The following DLG2 variants were observed in gnomAD, a reference collection of about 807,000 sequenced individuals.
DLG2 encodes disks large homolog 2.
Under a neutral mutation model 132.5 loss-of-function variants are expected in DLG2, and 45 were observed. The ratio of observed to expected loss-of-function variants is 0.34; its 90% CI spans 0.27 to 0.44. The LOEUF (loss-of-function observed/expected upper bound fraction) is 0.44. Among genes scored for constraint, DLG2 ranks in the 20% least tolerant of loss-of-function variants. The pLI, the probability that DLG2 is intolerant of heterozygous loss-of-function variation, is 1.00. For missense variants in DLG2, 1,045 were observed against 1,196.9 expected (o/e 0.87, Z 1.87); for synonymous variants, 424 against 419.6 (o/e 1.01, Z -0.13).
chr11:84,239,249 C>T (rs375575337), intron 8 of DLG2, among the ~76,000 whole-genome samples: 7 of 151,092 alleles, frequency 4.6e-5, no homozygotes, highest in East Asian at 3.9e-4. Context: ...GGTGTGATCT[C>T]GGCTCACTGC....
At chr11:85,617,857 G>A (rs1320876378) in intron 2 of DLG2, among the ~76,000 whole-genome samples, 1 of 152,158 alleles carries the variant, frequency 6.6e-6, no homozygotes, top group Non-Finnish European at 1.5e-5. Flanking sequence ...TAGGGCCTCA[G>A]TGGCTAGCAA....
intron 10 of DLG2, among the ~76,000 whole-genome samples, chr11:84,096,588 C>A (rs1054132607): frequency 1.3e-5 from 2 of 151,976 alleles, no homozygotes; most frequent in Non-Finnish European, 2.9e-5. Flanking sequence ...CATCTTGTAG[C>A]TAAACAGAGT....
chr11:84,790,735 T>C (rs2153938001), intron 6 of DLG2, among the ~76,000 whole-genome samples: 1 of 152,354 alleles, frequency 6.6e-6, no homozygotes, highest in South Asian at 2.1e-4. Context: ...GATTTAAGCC[T>C]CTAATCCATT....
intron 6 of DLG2, among the ~76,000 whole-genome samples, chr11:84,908,842 TTTC>T (rs2091804794): frequency 6.7e-6 from 1 of 149,716 alleles, no homozygotes; most frequent in Non-Finnish European, 1.5e-5. Flanking sequence ...ACTTATATGC[TTTC>T]AACATATAAG....
At chr11:84,277,048 C>T (rs1031234464) in intron 7 of DLG2, among the ~76,000 whole-genome samples, 2 of 152,082 alleles carry the variant, frequency 1.3e-5, no homozygotes, top group African/African-American at 2.4e-5. Flanking sequence ...CAGTTGTGGC[C>T]AATGGACTTG....
At chr11:84,030,727 A>C (rs2095666922) in intron 11 of DLG2, among the ~76,000 whole-genome samples, 1 of 152,116 alleles carries the variant, frequency 6.6e-6, no homozygotes, top group South Asian at 2.1e-4. Context: ...TATGTGATAG[A>C]CTAAGGTTAG....
chr11:83,890,369 T>C (rs1197719133), intron 15 of DLG2, among the ~76,000 whole-genome samples: 1 of 152,120 alleles, frequency 6.6e-6, no homozygotes, highest in Non-Finnish European at 1.5e-5. Context: ...ATGTCAGAAA[T>C]GTGGTCTTTC....
intron 8 of DLG2, among the ~76,000 whole-genome samples, chr11:84,185,692 G>C (rs1227754651): frequency 6.6e-6 from 1 of 152,166 alleles, no homozygotes. Flanking sequence ...CATTCAGTAT[G>C]ATATTGGCTG....
At chr11:84,762,425 T>C (rs751604970) in intron 6 of DLG2, among the ~76,000 whole-genome samples, 3 of 152,212 alleles carry the variant, frequency 2.0e-5, no homozygotes, top group Non-Finnish European at 4.4e-5. Context: ...TAATTTATTA[T>C]AATCTCCTTC....
At chr11:85,374,266 A>C (rs1014673523) in intron 3 of DLG2, among the ~76,000 whole-genome samples, 1 of 151,960 alleles carries the variant, frequency 6.6e-6, no homozygotes, top group Non-Finnish European at 1.5e-5. Flanking sequence ...GAACTGGGAG[A>C]AAAAAAACAG....
chr11:84,247,891 T>C (rs1320485438), intron 8 of DLG2, among the ~76,000 whole-genome samples: 1 of 152,200 alleles, frequency 6.6e-6, no homozygotes, highest in African/African-American at 2.4e-5. Flanking sequence ...AATGAAATTA[T>C]TTTTTAGAAA....
At chr11:84,043,460 T>C (rs1295843446) in intron 11 of DLG2, among the ~76,000 whole-genome samples, 2 of 151,806 alleles carry the variant, frequency 1.3e-5, no homozygotes, top group Non-Finnish European at 2.9e-5. Context: ...AAGGGTTTGT[T>C]GTACAGATTA....
At chr11:85,485,783 G>T (rs544187879) in intron 3 of DLG2, among the ~76,000 whole-genome samples, 18 of 152,200 alleles carry the variant, frequency 1.2e-4, no homozygotes, top group Non-Finnish European at 2.2e-4. Flanking sequence ...TGTCGCTCCA[G>T]ACGGGGAACC....
At chr11:84,936,096 A>G (rs2048713249) in intron 6 of DLG2, among the ~76,000 whole-genome samples, 1 of 152,218 alleles carries the variant, frequency 6.6e-6, no homozygotes, top group Admixed American at 6.5e-5. Flanking sequence ...TACTTATTAA[A>G]AAGTAAATTA....
chr11:85,517,066 G>T (rs2094183834), intron 3 of DLG2, among the ~76,000 whole-genome samples: 1 of 151,974 alleles, frequency 6.6e-6, no homozygotes, highest in African/African-American at 2.4e-5. Context: ...ACATCAAAAA[G>T]ATAGTACACC....
In DLG2 at chr11:84,519,210, A is replaced by C. The variant is rs2099285545; in HGVS notation, c.519+15360T>G. Among the ~76,000 whole-genome samples the C allele has an allele frequency of 2.0e-5, 3 of 152,314 alleles. No homozygotes were observed. In the South Asian group the frequency reaches 6.2e-4, roughly 32 times the overall value. On this transcript the variant is annotated intron_variant, in intron 7 of 27. Coordinates refer to ENST00000376104, the MANE Select transcript of DLG2 (RefSeq NM_001142699.3). ...AGGTGCATTTCTGTGACCCTGATGA[A>C]AAAATAAATACCCAGTGCACATTTT...
At position 84,199,922 on chromosome 11, in the gene DLG2, A is replaced by C. The variant is rs531966204; in HGVS notation, c.574-36411T>G. 3.3e-5 allele frequency among the ~76,000 whole-genome samples: 5 copies of C among 152,246 alleles called. No individual in the cohort carries two copies. The East Asian group carries it at 9.6e-4, about 29-fold the overall frequency. On this transcript the variant is annotated intron_variant, in intron 8 of 27. Coordinates refer to ENST00000376104, the MANE Select transcript of DLG2 (RefSeq NM_001142699.3). ...AAACTTTCCAAGTTTGATGAAAAAA[A>C]CCACAGTTCTAAGAAGTCCAATGAA...
rs563636690 is a variant in DLG2 at position 84,527,211 on chromosome 11, C to A, written c.519+7359G>T. Among the ~76,000 whole-genome samples the A allele has an allele frequency of 5.3e-5, 8 of 152,238 alleles. 1 individual carries two copies. In the South Asian group the frequency reaches 1.5e-3, roughly 28 times the overall value. The stretch of plus-strand genomic sequence containing the variant: ...ATGTGGGATGCACTAACTCCTTGTG[C>A]CATAGGATCTTATGACCAGTCGGGG... On this transcript the variant is annotated intron_variant, in intron 7 of 27. Transcript: ENST00000376104.
intron 6 of DLG2, among the ~76,000 whole-genome samples, chr11:84,858,998 C>A (rs1453257720): frequency 6.6e-6 from 1 of 151,876 alleles, no homozygotes; most frequent in African/African-American, 2.4e-5. Context: ...GATGCTTAAT[C>A]TTTTTATAAC....
Sources: gnomAD v4.1 joint callset for allele counts (sites outside exome capture counted in the v4.1 genomes callset) on GRCh38, gnomAD v4.1.1 for gene constraint, MANE v1.5 for transcripts, NCBI Gene and HGNC (gene_info 2026-07-23, HGNC 2026-07-21) for gene names.